PARD3B: variants seen among roughly 807,000 people sequenced by gnomAD.
PARD3B encodes partitioning defective 3 homolog B.
A neutral mutation model predicts 130.2 loss-of-function variants in PARD3B; 103 were observed. The observed-to-expected ratio is 0.79, with a 90% confidence interval of 0.67 to 0.93. The LOEUF is 0.93. Among genes scored for constraint, PARD3B ranks in the 40% least tolerant of loss-of-function variants. The pLI is 0.00. For missense variants in PARD3B, 1,609 were observed against 1,499.2 expected, an observed-to-expected ratio of 1.07 and a Z score of -1.21; for synonymous variants, 583 against 553.2, an observed-to-expected ratio of 1.05 and a Z score of -0.76.
At chr2:204,998,518 G>A (rs1484177352) in intron 3 of PARD3B, among the ~76,000 whole-genome samples, 33 of 41,802 alleles carry the variant, frequency 7.9e-4, no homozygotes, top group Non-Finnish European at 1.5e-3. Flanking sequence ...ATATATATGT[G>A]TGTGTATATA....
chr2:204,554,983 A>G (rs955335286), intron 1 of PARD3B, among the ~76,000 whole-genome samples: 7 of 152,208 alleles, frequency 4.6e-5, no homozygotes, highest in Non-Finnish European at 1.0e-4. Flanking sequence ...CTTATGCTGA[A>G]CACCTGCTCT....
At chr2:204,569,629 ATACT>A (rs1240247568) in intron 1 of PARD3B, among the ~76,000 whole-genome samples, 1 of 152,176 alleles carries the variant, frequency 6.6e-6, no homozygotes, top group East Asian at 1.9e-4. Context: ...ATTAAGCAAG[ATACT>A]TACTGTGTGT....
chr2:204,548,661 C>T (rs949861666), intron 1 of PARD3B, among the ~76,000 whole-genome samples: 2 of 152,162 alleles, frequency 1.3e-5, no homozygotes, highest in African/African-American at 4.8e-5. Context: ...ATCACATCAA[C>T]CTAAAAATAG....
chr2:205,054,432 ATATATTTTTTTTTT>A (rs1447193320), intron 4 of PARD3B, among the ~76,000 whole-genome samples: 1 of 30,994 alleles, frequency 3.2e-5, no homozygotes, highest in Non-Finnish European at 5.3e-5. Context: ...ATATATATAT[ATATATTTTTTTTTT>A]TTTTTTTTTT....
intron 2 of PARD3B, among the ~76,000 whole-genome samples, chr2:204,765,239 T>C (rs1308662714): frequency 1.3e-5 from 2 of 152,066 alleles, no homozygotes; most frequent in African/African-American, 4.8e-5. Context: ...ACCTGAGAGG[T>C]TGTTTGAAAA....
At chr2:204,760,953 C>A (rs1403639329) in intron 2 of PARD3B, among the ~76,000 whole-genome samples, 4 of 152,162 alleles carry the variant, frequency 2.6e-5, no homozygotes. Context: ...ATAGCTGCCA[C>A]ATTTGTTGAC....
intron 22 of PARD3B, among the ~76,000 whole-genome samples, chr2:205,602,512 T>G (rs995823832): frequency 6.6e-6 from 1 of 152,178 alleles, no homozygotes; most frequent in Non-Finnish European, 1.5e-5. Context: ...GTCCTGGGCC[T>G]TTTTTGGTTG....
intron 1 of PARD3B, among the ~76,000 whole-genome samples, chr2:204,612,071 T>C (rs1173612882): frequency 1.3e-5 from 2 of 152,228 alleles, no homozygotes; most frequent in African/African-American, 4.8e-5. Flanking sequence ...TGATTATTCT[T>C]GAAATATGAG....
Position 205,121,201 on chromosome 2 carries a change from T to A in PARD3B, c.807-390T>A, listed in dbSNP as rs186178946. ...ATCTGATCCAAAATATCTATTTTGC[T>A]TTTTATATTCACTTTGGTAATCACT... On this transcript the variant is annotated intron_variant, in intron 7 of 22. Coordinates refer to ENST00000406610, the MANE Select transcript of PARD3B (RefSeq NM_001302769.2). The surrounding 1 kb of genome is among the most constrained non-coding windows in gnomAD (Gnocchi z 5.0). 2.8e-3 allele frequency among the ~76,000 whole-genome samples: 431 copies of A among 152,338 alleles called. 1 individual carries two copies. Among genetic ancestry groups the A allele is most frequent in the African/African-American group, 9.9e-3 (410 of 41,594 alleles).
At chr2:205,131,503 A>T (rs537100567) in intron 10 of PARD3B, among the ~76,000 whole-genome samples, 1 of 152,308 alleles carries the variant, frequency 6.6e-6, no homozygotes, top group East Asian at 1.9e-4. Context: ...ATGAAGCTAG[A>T]AGCTTCATCT....
At chr2:204,884,713 G>A (rs1353728993) in intron 2 of PARD3B, among the ~76,000 whole-genome samples, 1 of 152,116 alleles carries the variant, frequency 6.6e-6, no homozygotes, top group Non-Finnish European at 1.5e-5. Context: ...GTGATGTTTG[G>A]TTTTCTGTTC....
intron 19 of PARD3B, among the ~76,000 whole-genome samples, chr2:205,423,051 C>T: frequency 6.6e-6 from 1 of 152,192 alleles, no homozygotes; most frequent in East Asian, 1.9e-4. Flanking sequence ...TTCTCCTCGA[C>T]ATCCAGTGGA....
intron 20 of PARD3B, among the ~76,000 whole-genome samples, chr2:205,489,484 CATATATATGTGTGTATAT>C (rs1559141144): frequency 1.1e-5 from 1 of 93,212 alleles, no homozygotes; most frequent in African/African-American, 3.9e-5. Flanking sequence ...TCTAAATATA[CATATATATGTGTGTATAT>C]ATATATACGT....
Position 205,256,368 on chromosome 2 carries a change from T to A in PARD3B, c.2185+10546T>A, listed in dbSNP as rs541445187. On this transcript the variant is annotated intron_variant, in intron 16 of 22. Transcript: ENST00000406610. ...AACATGTACCGTATACCAGGCTCTT[T>A]GCCAACTGCTACAAATACAAAGTGG... 2.0e-5 allele frequency among the ~76,000 whole-genome samples: 3 copies of A among 152,270 alleles called. 1 individual carries two copies. The highest frequency in any genetic ancestry group is 7.2e-5 in the African/African-American group (3 of 41,562).
intron 22 of PARD3B, among the ~76,000 whole-genome samples, chr2:205,571,022 G>A (rs1399025622): frequency 1.3e-5 from 2 of 152,278 alleles, no homozygotes; most frequent in Non-Finnish European, 2.9e-5. Flanking sequence ...TCTATATGTA[G>A]GATATTGGAA....
intron 2 of PARD3B, among the ~76,000 whole-genome samples, chr2:204,714,721 A>G (rs537940197): frequency 6.6e-6 from 1 of 152,354 alleles, no homozygotes; most frequent in East Asian, 1.9e-4. Context: ...ATCAAATCAT[A>G]TGAAATTAAA....
intron 4 of PARD3B, among the ~76,000 whole-genome samples, chr2:205,051,595 G>T (rs976695910): frequency 2.0e-5 from 3 of 152,130 alleles, no homozygotes; most frequent in African/African-American, 7.2e-5. Context: ...ACTTCATTAG[G>T]CTTACTGTAG....
intron 16 of PARD3B, among the ~76,000 whole-genome samples, chr2:205,254,906 C>T (rs908791392): frequency 2.0e-5 from 3 of 151,684 alleles, no homozygotes; most frequent in East Asian, 3.9e-4. Flanking sequence ...CCTCGTGATC[C>T]GCCCGCCTCG....
At chr2:205,081,112 G>A (rs1276422884) in intron 4 of PARD3B, among the ~76,000 whole-genome samples, 1 of 152,048 alleles carries the variant, frequency 6.6e-6, no homozygotes, top group Non-Finnish European at 1.5e-5. Flanking sequence ...TGGGTGAATA[G>A]TTATTTTAAG....
Sources: gnomAD v4.1 joint callset for allele counts (sites outside exome capture counted in the v4.1 genomes callset) on GRCh38, gnomAD v4.1.1 for gene constraint, Gnocchi (gnomAD v3.1) non-coding constraint, MANE v1.5 for transcripts, NCBI Gene and HGNC (gene_info 2026-07-23, HGNC 2026-07-21) for gene names.